HIVEP3: variants seen among roughly 807,000 people sequenced by gnomAD.
HIVEP3 encodes the protein transcription factor HIVEP3.
In HIVEP3, 49 loss-of-function variants were observed where a neutral mutation model predicts 152.8. The ratio of observed to expected loss-of-function variants is 0.32; its 90% CI spans 0.26 to 0.41. The LOEUF (loss-of-function observed/expected upper bound fraction) is 0.41, where lower values mean the gene tolerates loss of function less well. Ranked by LOEUF, HIVEP3 falls within the 10% of genes least tolerant of loss-of-function variation. HIVEP3 has a pLI of 1.00. For synonymous variants in HIVEP3, 1,269 were observed against 1,289.0 expected (o/e 0.98, Z 0.33); for missense variants, 2,790 against 3,103.3 (o/e 0.90, Z 2.40).
intron 1 of HIVEP3, among the ~76,000 whole-genome samples, chr1:41,977,053 T>C (rs921625895): frequency 2.0e-5 from 3 of 152,194 alleles, no homozygotes; most frequent in Admixed American, 6.5e-5. Flanking sequence ...TTTGCAATGT[T>C]AAAACCGTAA....
At chr1:41,794,383 G>C (rs186390270) in intron 1 of HIVEP3, among the ~76,000 whole-genome samples, 2 of 152,258 alleles carry the variant, frequency 1.3e-5, no homozygotes, top group East Asian at 3.9e-4. Context: ...AGTTTGAGTG[G>C]GAACACAGAG....
intron 1 of HIVEP3, among the ~76,000 whole-genome samples, chr1:41,846,383 C>T (rs973988331): frequency 6.6e-6 from 1 of 152,154 alleles, no homozygotes; most frequent in Non-Finnish European, 1.5e-5. Flanking sequence ...ATCCATTTAC[C>T]TTTCATTCTG....
At chr1:42,030,924 G>A (rs1645609292) in intron 1 of HIVEP3, among the ~76,000 whole-genome samples, 1 of 152,070 alleles carries the variant, frequency 6.6e-6, no homozygotes, top group Admixed American at 6.5e-5. Flanking sequence ...TAAAAGGGAG[G>A]GTCGAAGGAG....
intron 3 of HIVEP3, among the ~76,000 whole-genome samples, chr1:41,612,545 C>CA: frequency 6.6e-6 from 1 of 152,298 alleles, no homozygotes; most frequent in African/African-American, 2.4e-5. Flanking sequence ...GATGAGGAAA[C>CA]AGAGGTTCAG....
intron 2 of HIVEP3, among the ~76,000 whole-genome samples, chr1:41,647,697 T>G (rs991765934): frequency 6.6e-6 from 1 of 152,222 alleles, no homozygotes; most frequent in African/African-American, 2.4e-5. Flanking sequence ...TCACCTCATT[T>G]CCACACCACT....
At chr1:41,639,817 T>C (rs11210507) in intron 2 of HIVEP3, among the ~76,000 whole-genome samples, 78,481 of 152,046 alleles carry the variant, frequency 0.52, 20,654 homozygotes, top group Non-Finnish European at 0.56. Context: ...GAGGCTTCTC[T>C]CTCACATGGT....
At chr1:41,901,532 C>T (rs927189731) in intron 1 of HIVEP3, among the ~76,000 whole-genome samples, 1 of 152,036 alleles carries the variant, frequency 6.6e-6, no homozygotes, top group African/African-American at 2.4e-5. Context: ...GCAGGAGAAG[C>T]CTGAAAAGCA....
intron 1 of HIVEP3, among the ~76,000 whole-genome samples, chr1:41,757,091 A>AATTATTATTATTATTATT (rs147789740): frequency 4.0e-4 from 55 of 136,534 alleles, no homozygotes; most frequent in African/African-American, 1.1e-3. Context: ...GTCTCTAAAA[A>AATTATTATTATTATTATT]ATTATTATTA....
Position 41,579,973 on chromosome 1 carries a change from A to C in HIVEP3, c.4825T>G (p.Leu1609Val). ...HTTTNVSWCY[L>V]NYIKPNHIQH... ...ATGTGATTTGGCTTAATGTAGTTTA[A>C]ATAGCACCAACTGACATTAGTGGTT... is the stretch of plus-strand genomic sequence containing the variant. Residue 1609 changes from leucine to valine, a missense_variant, in exon 4 of 9, where the codon TTA becomes GTA. By Grantham distance (32) the Leu-to-Val change is conservative. Transcript: ENST00000372583. 1.2e-6 allele frequency: 2 copies of C among 1,614,254 alleles called. No homozygotes were observed. Among genetic ancestry groups the C allele is most frequent in the Non-Finnish European group, 1.7e-6 (2 of 1,180,038 alleles).
intron 1 of HIVEP3, among the ~76,000 whole-genome samples, chr1:41,991,179 C>T (rs887447967): frequency 4.6e-5 from 7 of 151,708 alleles, no homozygotes; most frequent in Admixed American, 1.3e-4. Context: ...AACAGAGACA[C>T]AAAAAACCCT....
chr1:41,581,726 A>G lies in HIVEP3; in HGVS notation c.3072T>C (p.Ser1024=). The part of the protein sequence containing the change: ...DYGSLSLTGP[S]APAPVAPPAR... ...CTGGTGGAGCCACTGGGGCTGGAGCAGAAGGGCCTGTCAAGGACAAGCTGC... is the reference window on the plus strand; with the variant it reads ...CTGGTGGAGCCACTGGGGCTGGAGCGGAAGGGCCTGTCAAGGACAAGCTGC... The change falls in exon 4 of 9, where the codon TCT becomes TCC. Residue 1024 remains serine (S), a synonymous_variant. Coordinates refer to ENST00000372583, the MANE Select transcript of HIVEP3 (RefSeq NM_024503.5). The surrounding 1 kb of genome is among the most constrained non-coding windows in gnomAD (Gnocchi z 4.5). 2 of 1,610,638 alleles carry G rather than the reference A, an allele frequency of 1.2e-6. No individual in the cohort carries two copies. The highest frequency in any genetic ancestry group is 1.7e-6 in the Non-Finnish European group (2 of 1,178,734).
At chr1:41,924,508 T>C (rs765162651) in intron 1 of HIVEP3, among the ~76,000 whole-genome samples, 3 of 152,110 alleles carry the variant, frequency 2.0e-5, no homozygotes. Context: ...ACCTCACAAG[T>C]CACATGCAAG....
chr1:41,766,877 T>C (rs1648044283), intron 1 of HIVEP3, among the ~76,000 whole-genome samples: 1 of 152,178 alleles, frequency 6.6e-6, no homozygotes, highest in Non-Finnish European at 1.5e-5. Context: ...GTCACAGAGC[T>C]CCCCATCTGT....
chr1:41,745,845 G>A (rs1191827477), intron 1 of HIVEP3, among the ~76,000 whole-genome samples: 3 of 152,154 alleles, frequency 2.0e-5, no homozygotes, highest in Admixed American at 6.5e-5. Flanking sequence ...AAGCAGATGC[G>A]GCTGTTTCAC....
At chr1:41,929,028 A>C (rs933066507) in intron 1 of HIVEP3, among the ~76,000 whole-genome samples, 1 of 152,174 alleles carries the variant, frequency 6.6e-6, no homozygotes, top group Admixed American at 6.5e-5. Flanking sequence ...CAATTGATAA[A>C]TATTGGGAGT....
intron 1 of HIVEP3, among the ~76,000 whole-genome samples, chr1:41,734,517 T>A (rs554479050): frequency 9.8e-5 from 15 of 152,342 alleles, no homozygotes; most frequent in African/African-American, 3.6e-4. Flanking sequence ...ACTGATTCAT[T>A]CTTGCTGCTG....
At position 41,810,583 on chromosome 1, in the gene HIVEP3, GGTTC is replaced by G. The variant is rs113782338; in HGVS notation, c.-801+107826_-801+107829del. ...GGCTGGCCCCACACTGATCCTGGTA[GGTTC>G]ATGCTTATGCTTCTGCCTCATGCTG... On this transcript the variant is annotated intron_variant, in intron 1 of 8. Transcript: ENST00000372583. 5.3e-5 allele frequency among the ~76,000 whole-genome samples: 8 copies of G among 152,322 alleles called. 1 individual carries two copies. Among genetic ancestry groups the G allele is most frequent in the African/African-American group, 1.9e-4 (8 of 41,566 alleles).
intron 3 of HIVEP3, among the ~76,000 whole-genome samples, chr1:41,617,762 C>T (rs577830336): frequency 1.3e-5 from 2 of 152,348 alleles, no homozygotes; most frequent in African/African-American, 4.8e-5. Context: ...GAGAAAGAGA[C>T]CCTTTGTGAG....
At chr1:41,794,739 G>A (rs1325677150) in intron 1 of HIVEP3, among the ~76,000 whole-genome samples, 1 of 152,030 alleles carries the variant, frequency 6.6e-6, no homozygotes, top group East Asian at 1.9e-4. Context: ...TAGGCTTTTT[G>A]AATTTCTTTC....
Sources: allele counts gnomAD v4.1 joint callset (sites outside exome capture counted in the v4.1 genomes callset), GRCh38; gene constraint gnomAD v4.1.1; non-coding constraint Gnocchi (gnomAD v3.1); transcripts MANE v1.5; gene names NCBI Gene and HGNC (gene_info 2026-07-23, HGNC 2026-07-21).